SLC2A9: variants seen among roughly 807,000 people sequenced by gnomAD.
SLC2A9 encodes the protein solute carrier family 2, facilitated glucose transporter member 9.
A neutral mutation model predicts 50.6 loss-of-function variants in SLC2A9; 39 were observed. The observed-to-expected ratio is 0.77, with a 90% confidence interval of 0.60 to 1.01. The LOEUF (loss-of-function observed/expected upper bound fraction) is 1.01, where lower values mean the gene tolerates loss of function less well. Among genes scored for constraint, SLC2A9 ranks in the 50% least tolerant of loss-of-function variants. The pLI is 0.00. For missense variants in SLC2A9, 686 were observed against 677.6 expected (o/e 1.01, Z -0.14); for synonymous variants, 324 against 276.9 (o/e 1.17, Z -1.69).
chr4:9,906,502 A>G (rs760176401), intron 8 of SLC2A9, among the ~76,000 whole-genome samples: 1 of 152,250 alleles, frequency 6.6e-6, no homozygotes, highest in African/African-American at 2.4e-5. Flanking sequence ...TGTGAACAAA[A>G]GCAGATCAGA....
rs201570391 is a variant in SLC2A9, at chr4:9,782,361, C to T, written n.386-2296G>A. ...GTGGCCGGTTACTGGCCCTTTGGAG[C>T]GTTCTGCGACGTCTGGGTGGCCTTC... On this transcript the variant is annotated intron_variant and non_coding_transcript_variant, in intron 3 of 3. Coordinates refer to the SLC2A9 transcript ENST00000503803. The T allele has an allele frequency of 2.0e-5, 32 of 1,613,894 alleles. No individual in the cohort carries two copies. The South Asian group carries it at 3.0e-4, about 15-fold the overall frequency.
intron 5 of SLC2A9, among the ~76,000 whole-genome samples, chr4:9,947,411 G>A (rs958357349): frequency 1.3e-5 from 2 of 152,148 alleles, no homozygotes; most frequent in Admixed American, 1.3e-4. Flanking sequence ...TCCCTGATAA[G>A]GGGGTGGGCT....
At chr4:9,964,716 G>A (rs1213039308) in intron 5 of SLC2A9, among the ~76,000 whole-genome samples, 2 of 152,184 alleles carry the variant, frequency 1.3e-5, no homozygotes, top group Non-Finnish European at 2.9e-5. Flanking sequence ...AAAGTTCACA[G>A]AAAACAAGTG....
chr4:9,829,222 T>C (rs1577421075), intron 11 of SLC2A9, among the ~76,000 whole-genome samples: 1 of 151,968 alleles, frequency 6.6e-6, no homozygotes, highest in African/African-American at 2.4e-5. Flanking sequence ...CGGCCAACAT[T>C]GTGAAACCCC....
intron 10 of SLC2A9, among the ~76,000 whole-genome samples, chr4:9,876,812 C>T (rs752213088): frequency 8.5e-5 from 13 of 152,132 alleles, no homozygotes; most frequent in Non-Finnish European, 1.5e-4. Context: ...GGGACTAGCA[C>T]CAATGCTGGA....
chr4:9,954,454 T>C (rs775252364), intron 5 of SLC2A9, among the ~76,000 whole-genome samples: 4 of 152,264 alleles, frequency 2.6e-5, no homozygotes, highest in African/African-American at 4.8e-5. Context: ...GACCTCCTGC[T>C]CTGCCCTAAC....
intron 3 of SLC2A9, among the ~76,000 whole-genome samples, chr4:9,990,089 C>T (rs879644805): frequency 6.6e-6 from 1 of 152,148 alleles, no homozygotes; most frequent in Non-Finnish European, 1.5e-5. Context: ...TGTTACTTGG[C>T]TGTGCTCCCC....
At chr4:9,823,395 G>A (rs79332807), downstream of SLC2A9, among the ~76,000 whole-genome samples, 1,505 of 152,130 alleles carry the variant, frequency 9.9e-3, 31 homozygotes, top group African/African-American at 0.034. Flanking sequence ...TCTCTAACTC[G>A]CCACTCCCCA....
intron 3 of SLC2A9, among the ~76,000 whole-genome samples, chr4:9,787,897 G>A (rs1306588051): frequency 6.6e-6 from 1 of 152,180 alleles, no homozygotes; most frequent in Non-Finnish European, 1.5e-5. Flanking sequence ...TGTTAACTTT[G>A]CTCATGAGGT....
chr4:9,991,621 G>A (rs1757731226), intron 3 of SLC2A9, among the ~76,000 whole-genome samples: 1 of 152,140 alleles, frequency 6.6e-6, no homozygotes, highest in South Asian at 2.1e-4. Context: ...CCCCTAATGT[G>A]ACTGCATTTG....
chr4:9,887,952 T>C (rs982710375), intron 9 of SLC2A9, among the ~76,000 whole-genome samples: 10 of 152,166 alleles, frequency 6.6e-5, no homozygotes, highest in African/African-American at 2.4e-4. Context: ...TCAGGCAATA[T>C]GAGCAATTTT....
chr4:9,981,211 TGATG>T (rs1358357849), intron 4 of SLC2A9, among the ~76,000 whole-genome samples: 1 of 152,080 alleles, frequency 6.6e-6, no homozygotes, highest in Non-Finnish European at 1.5e-5. Context: ...ATGGTGATGA[TGATG>T]ATGGTGGTGG....
chr4:10,033,938 T>C (rs1025974412), intron 1 of SLC2A9, among the ~76,000 whole-genome samples: 1 of 152,214 alleles, frequency 6.6e-6, no homozygotes, highest in African/African-American at 2.4e-5. Flanking sequence ...CTTTCCGCCC[T>C]TTTCAAGGGC....
At chr4:9,875,336 T>C (rs1734137785) in intron 10 of SLC2A9, among the ~76,000 whole-genome samples, 2 of 147,442 alleles carry the variant, frequency 1.4e-5, no homozygotes, top group African/African-American at 2.5e-5. Flanking sequence ...GGTTACTCTC[T>C]GTCTAAGATG....
intron 3 of SLC2A9, among the ~76,000 whole-genome samples, chr4:9,807,807 G>A (rs1722321493): frequency 6.6e-6 from 1 of 152,206 alleles, no homozygotes; most frequent in Non-Finnish European, 1.5e-5. Flanking sequence ...TCTAAGGAGA[G>A]ATGCAGTTGA....
chr4:9,912,155 G>A (rs755237871), intron 7 of SLC2A9, among the ~76,000 whole-genome samples: 11 of 152,124 alleles, frequency 7.2e-5, no homozygotes, highest in Admixed American at 2.0e-4. Context: ...TGGGGGGAGC[G>A]GGGAGGGAGA....
rs980855688 is a variant in SLC2A9 at position 9,979,106 on chromosome 4, T to C, written c.681+1486A>G. Among the ~76,000 whole-genome samples the C allele has an allele frequency of 4.6e-5, 7 of 152,120 alleles. No individual in the cohort carries two copies. The South Asian group carries it at 8.3e-4, about 18-fold the overall frequency. On this transcript the variant is annotated intron_variant, in intron 5 of 11. Coordinates refer to ENST00000264784, the MANE Select transcript of SLC2A9 (RefSeq NM_020041.3). ...TTCCCAGAAACACCAGTGTGATCCA[T>C]CCTTGGATGTGTAAGACACAACCCA...
At chr4:9,783,143 C>A in intron 3 of SLC2A9, 1 of 1,614,268 alleles carries the variant, frequency 6.2e-7, no homozygotes, top group Non-Finnish European at 8.5e-7. Flanking sequence ...GTTTGCCCAG[C>A]TGCTGGGGTG....
At chr4:9,820,495 T>C (rs912789413) in intron 3 of SLC2A9, among the ~76,000 whole-genome samples, 6 of 152,256 alleles carry the variant, frequency 3.9e-5, no homozygotes, top group Non-Finnish European at 7.3e-5. Flanking sequence ...GGGATTTTGA[T>C]TGAGATTGTG....
Sources: allele counts gnomAD v4.1 joint callset (sites outside exome capture counted in the v4.1 genomes callset), GRCh38; gene constraint gnomAD v4.1.1; transcripts MANE v1.5; gene names NCBI Gene and HGNC (gene_info 2026-07-23, HGNC 2026-07-21).